The following MEGF11 variants were observed in gnomAD, a reference collection of about 807,000 sequenced individuals.
The protein encoded by MEGF11 is multiple epidermal growth factor-like domains protein 11.
A neutral mutation model predicts 146.6 loss-of-function variants in MEGF11; 126 were observed. The observed-to-expected ratio is 0.86, with a 90% CI of 0.74 to 1.00. MEGF11 has a LOEUF of 1.00. MEGF11 is among the 50% of genes least tolerant of loss of function. The pLI, the probability that MEGF11 is intolerant of heterozygous loss-of-function variation, is 0.00. For missense variants in MEGF11, 1,509 were observed against 1,521.2 expected (o/e 0.99, Z 0.13); for synonymous variants, 532 against 583.4 (o/e 0.91, Z 1.27).
At chr15:66,193,278 C>A (rs4776286) in intron 1 of MEGF11, among the ~76,000 whole-genome samples, 119,791 of 152,142 alleles carry the variant, frequency 0.79, 47,784 homozygotes, top group African/African-American at 0.92. Flanking sequence ...AAGCTGACTC[C>A]TTTGTGTTCA....
At chr15:66,048,587 A>G (rs1225441645) in intron 5 of MEGF11, among the ~76,000 whole-genome samples, 2 of 152,160 alleles carry the variant, frequency 1.3e-5, no homozygotes, top group African/African-American at 4.8e-5. Context: ...GAAGCAACAC[A>G]CACAGAGACA....
intron 10 of MEGF11, among the ~76,000 whole-genome samples, chr15:65,944,624 T>C (rs1398139530): frequency 1.3e-5 from 2 of 152,110 alleles, no homozygotes; most frequent in South Asian, 2.1e-4. Context: ...CTAGAGCAGG[T>C]GAGTGACTCA....
At chr15:66,036,482 T>C (rs1335349543) in intron 5 of MEGF11, among the ~76,000 whole-genome samples, 1 of 152,250 alleles carries the variant, frequency 6.6e-6, no homozygotes, top group African/African-American at 2.4e-5. Context: ...ATATATCCCC[T>C]TTCCAGGTGA....
chr15:66,196,730 G>T (rs989718854), intron 1 of MEGF11, among the ~76,000 whole-genome samples: 3 of 152,200 alleles, frequency 2.0e-5, no homozygotes, highest in Admixed American at 1.3e-4. Flanking sequence ...ATTGCCTGTG[G>T]CAACTGTAGG....
intron 10 of MEGF11, among the ~76,000 whole-genome samples, chr15:65,943,013 G>GTT (rs2080062239): frequency 2.5e-5 from 2 of 79,456 alleles, no homozygotes; most frequent in South Asian, 4.6e-4. Context: ...TTAACACGGA[G>GTT]TTTTGCTCTT....
At chr15:66,020,125 A>C (rs1361771904) in intron 5 of MEGF11, among the ~76,000 whole-genome samples, 1 of 152,204 alleles carries the variant, frequency 6.6e-6, no homozygotes, top group Non-Finnish European at 1.5e-5. Flanking sequence ...CTTGTACAGC[A>C]CAGGGCCCAG....
At chr15:66,096,386 C>A (rs1452105580) in intron 4 of MEGF11, among the ~76,000 whole-genome samples, 1 of 152,238 alleles carries the variant, frequency 6.6e-6, no homozygotes, top group East Asian at 1.9e-4. Flanking sequence ...TGTTTTATAC[C>A]TGGAGAAGCT....
Position 66,112,068 on chromosome 15 carries a change from TAATA to T in MEGF11, c.301+7014_301+7017del, listed in dbSNP as rs1283167139. Among the ~76,000 whole-genome samples, 4 of 135,814 alleles carry T rather than the reference TAATA, an allele frequency of 2.9e-5. No homozygotes were observed. The South Asian group carries it at 6.8e-4, about 23-fold the overall frequency. 89.1% of individuals were successfully genotyped at this position (135,814 alleles called of 152,430 possible). On this transcript the variant is annotated intron_variant, in intron 4 of 25. Coordinates refer to ENST00000395614, the MANE Select transcript of MEGF11 (RefSeq NM_001385028.1). ...GGGCATAAGGGAGGGAAGAAAGGGC[TAATA>T]GTTAAAAAAAAAAAAAAAAGTACAA...
intron 1 of MEGF11, among the ~76,000 whole-genome samples, chr15:66,247,521 T>C (rs1436226887): frequency 2.6e-5 from 4 of 152,150 alleles, no homozygotes; most frequent in Non-Finnish European, 5.9e-5. Flanking sequence ...GTTACTCCTT[T>C]CACCCTTCCA....
At chr15:65,904,924 G>A (rs1197690388) in intron 24 of MEGF11, among the ~76,000 whole-genome samples, 1 of 152,190 alleles carries the variant, frequency 6.6e-6, no homozygotes, top group Non-Finnish European at 1.5e-5. Context: ...ACAGAGTCTT[G>A]TTCTGTTGCC....
Position 65,970,707 on chromosome 15 carries a change from A to C in MEGF11, c.763-18T>G. 6.2e-7 allele frequency: 1 copy of C among 1,602,806 alleles called. No individual in the cohort carries two copies. ...ACTGCTCCCTAAAAGAAAGGTGGGA[A>C]GACATGCATGGCGGTGCTCCAGAAA... On this transcript the variant is annotated intron_variant, in intron 7 of 25. Coordinates refer to ENST00000395614, the MANE Select transcript of MEGF11 (RefSeq NM_001385028.1).
chr15:66,230,622 T>A (rs1409656905), intron 1 of MEGF11, among the ~76,000 whole-genome samples: 1 of 152,218 alleles, frequency 6.6e-6, no homozygotes, highest in Non-Finnish European at 1.5e-5. Flanking sequence ...GCAAGGCACT[T>A]TCATAGACTT....
At chr15:66,060,532 T>C (rs1567222682) in intron 5 of MEGF11, among the ~76,000 whole-genome samples, 1 of 152,226 alleles carries the variant, frequency 6.6e-6, no homozygotes. Context: ...GCAGTACCTG[T>C]TGGAACTGTC....
chr15:66,207,605 T>A (rs1295932718), intron 1 of MEGF11, among the ~76,000 whole-genome samples: 3 of 152,204 alleles, frequency 2.0e-5, no homozygotes, highest in Non-Finnish European at 4.4e-5. Flanking sequence ...TGAATCCACG[T>A]AAAAAATAAA....
In MEGF11 at chr15:65,898,937, G is replaced by C; in HGVS notation, c.3056-3C>G. ...GCACACGGATTCTTTCATGTAATCT[G>C]CAAGGCAAGAGACATTTCTTAGGAC... On this transcript the variant is annotated splice_polypyrimidine_tract_variant and splice_region_variant and intron_variant, in intron 24 of 25. Coordinates refer to ENST00000395614, the MANE Select transcript of MEGF11 (RefSeq NM_001385028.1). The C allele has an allele frequency of 6.2e-7, 1 of 1,613,678 alleles. No individual in the cohort carries two copies. Among genetic ancestry groups the C allele is most frequent in the Non-Finnish European group, 8.5e-7 (1 of 1,179,660 alleles).
chr15:66,025,452 C>T (rs777997802), intron 5 of MEGF11, among the ~76,000 whole-genome samples: 22 of 152,192 alleles, frequency 1.4e-4, no homozygotes, highest in Non-Finnish European at 2.8e-4. Flanking sequence ...GGACTTGAGG[C>T]GAGGAGGTCC....
At chr15:65,911,224 T>G (rs1356179596) in intron 21 of MEGF11, among the ~76,000 whole-genome samples, 1 of 152,250 alleles carries the variant, frequency 6.6e-6, no homozygotes, top group African/African-American at 2.4e-5. Flanking sequence ...GGCTGAAGTT[T>G]GGGTTCCACA....
In MEGF11 at chr15:65,897,833, A is replaced by T. The variant is rs988772309; in HGVS notation, c.*101T>A. 2.8e-6 allele frequency: 3 copies of T among 1,085,060 alleles called. No individual in the cohort carries two copies. The highest frequency in any genetic ancestry group is 3.9e-6 in the Non-Finnish European group (3 of 769,764). 67.2% of individuals were successfully genotyped at this position (1,085,060 alleles called of 1,614,324 possible). A position where few individuals can be genotyped will look rare whatever the true frequency, so the allele number is the denominator to read the frequency against. On this transcript the variant is annotated 3_prime_UTR_variant, in exon 26 of 26. Transcript: ENST00000395614. ...CAGGTGAACGTAATAACTAACATGC[A>T]GCTGGAGCCAGTCTGTACCATTACT... is the stretch of plus-strand genomic sequence containing the variant.
intron 5 of MEGF11, among the ~76,000 whole-genome samples, chr15:66,084,891 A>G (rs1408339933): frequency 6.6e-6 from 1 of 152,208 alleles, no homozygotes; most frequent in African/African-American, 2.4e-5. Flanking sequence ...GAAGGCAGAT[A>G]GCCTTGGGCA....
Sources: gnomAD v4.1 joint callset for allele counts (sites outside exome capture counted in the v4.1 genomes callset) on GRCh38, gnomAD v4.1.1 for gene constraint, MANE v1.5 for transcripts, NCBI Gene and HGNC (gene_info 2026-07-23, HGNC 2026-07-21) for gene names.